PIGR: variants seen among roughly 807,000 people sequenced by gnomAD.
PIGR encodes hepatocellular carcinoma associated protein TB6.
A neutral mutation model predicts 69.5 loss-of-function variants in PIGR; 22 were observed. That is an observed-to-expected ratio of 0.32 (90% CI 0.23 to 0.45). The LOEUF (loss-of-function observed/expected upper bound fraction) is 0.45, where lower values mean the gene tolerates loss of function less well. Among genes scored for constraint, PIGR ranks in the 20% least tolerant of loss-of-function variants. The pLI, the probability that PIGR is intolerant of heterozygous loss-of-function variation, is 1.00. For synonymous variants in PIGR, 413 were observed against 407.6 expected, an observed-to-expected ratio of 1.01 and a Z score of -0.16; for missense variants, 885 against 974.0, an observed-to-expected ratio of 0.91 and a Z score of 1.22.
intron 1 of PIGR, among the ~76,000 whole-genome samples, chr1:206,942,171 C>T (rs746735495): frequency 2.0e-5 from 3 of 152,240 alleles, no homozygotes; most frequent in Non-Finnish European, 4.4e-5. Flanking sequence ...ATATGGGTGT[C>T]AGATGGCAAC....
chr1:206,932,737 TGGC>T (rs889387422), intron 7 of PIGR, among the ~76,000 whole-genome samples, 160 bp from the exon 8 acceptor site: 14 of 152,220 alleles, frequency 9.2e-5, no homozygotes, highest in African/African-American at 3.1e-4. Context: ...CTTCCCAGAC[TGGC>T]AAAGGCACGC....
chr1:206,931,376 A>G (rs1558011112), intron 10 of PIGR, 121 bp downstream of exon 10: 1 of 1,600,626 alleles, frequency 6.2e-7, no homozygotes, highest in Non-Finnish European at 8.5e-7. Context: ...AGGACTATTT[A>G]TATCATCCTC....
chr1:206,944,463 A>G (rs1301520737), intron 1 of PIGR, among the ~76,000 whole-genome samples: 7 of 152,132 alleles, frequency 4.6e-5, no homozygotes, highest in Admixed American at 2.0e-4. Context: ...ACAGGGCAAG[A>G]TTCCATCTCA....
rs180950797 is a variant in PIGR, at chr1:206,932,865, A to G, written c.1886+121T>C. ...GACCCTCCCACATATAAGCAGAGGT[A>G]GTAAGGGCTGCCCCAGTGCTCAAGA... is the stretch of plus-strand genomic sequence containing the variant. On this transcript the variant is annotated intron_variant, in intron 7 of 10. Coordinates refer to ENST00000356495, the MANE Select transcript of PIGR (RefSeq NM_002644.4). The G allele has an allele frequency of 3.3e-3, 3,295 of 984,228 alleles. 10 individuals carry two copies. Among genetic ancestry groups the G allele is most frequent in the Non-Finnish European group, 4.4e-3 (2,871 of 654,486 alleles). 61.0% of individuals were successfully genotyped at this position (984,228 alleles called of 1,614,324 possible).
chr1:206,933,111 T>G lies in PIGR; in HGVS notation c.1761A>C (p.Leu587=). 1.2e-6 allele frequency: 2 copies of G among 1,614,176 alleles called. No individual in the cohort carries two copies. The highest frequency in any genetic ancestry group is 1.7e-6 in the Non-Finnish European group (2 of 1,180,020). The change falls in exon 7 of 11, where the codon CTA becomes CTC. Residue 587 remains leucine (L), a synonymous_variant. Coordinates refer to ENST00000356495, the MANE Select transcript of PIGR (RefSeq NM_002644.4). ...KADAAPDEKV[L]DSGFREIENK... ...TCTCAATCTCCCGAAAACCAGAGTC[T>G]AGCACCTTCTCATCAGGAGCAGCGT...
At position 206,935,472 on chromosome 1, in the gene PIGR, C is replaced by G; in HGVS notation, c.1378+14G>C. 1 of 1,596,594 alleles carries G rather than the reference C, an allele frequency of 6.3e-7. No homozygotes were observed. The highest frequency in any genetic ancestry group is 8.6e-7 in the Non-Finnish European group (1 of 1,167,004). On this transcript the variant is annotated intron_variant, in intron 5 of 10. Transcript: ENST00000356495. The surrounding 1 kb of genome is among the most constrained non-coding windows in gnomAD (Gnocchi z 4.4). ...AGAGGTTTTAGAGCTTTCTCCCTCC[C>G]TGTCAACTCCTACCTTCGATAATCT... is the stretch of plus-strand genomic sequence containing the variant.
Position 206,931,560 on chromosome 1 carries a change from GT to G in PIGR, c.2141-6del, listed in dbSNP as rs768140594. The G allele has an allele frequency of 6.2e-7, 1 of 1,614,022 alleles. No individual in the cohort carries two copies. The highest frequency in any genetic ancestry group is 1.7e-5 in the Admixed American group (1 of 60,022). The stretch of plus-strand genomic sequence containing the variant: ...TCTCAGTGGTGGCAACAAACTCTGT[GT>G]GAAGAAAGAGGGTAGGTTAGCCCTT... On this transcript the variant is annotated splice_polypyrimidine_tract_variant and splice_region_variant and intron_variant, in intron 9 of 10. Coordinates refer to ENST00000356495, the MANE Select transcript of PIGR (RefSeq NM_002644.4).
intron 1 of PIGR, 144 bp from the exon 2 acceptor site, chr1:206,940,728 T>A (rs1679966174): frequency 3.6e-6 from 2 of 561,988 alleles, no homozygotes; most frequent in Non-Finnish European, 6.4e-6. Flanking sequence ...CTCCACTTTT[T>A]CCATAACAAT....
rs1679963634 is a variant in PIGR at position 206,940,621 on chromosome 1, T to C, written c.-53-37A>G. The C allele has an allele frequency of 2.3e-6, 3 of 1,318,180 alleles. No individual in the cohort carries two copies. In the East Asian group the frequency reaches 8.0e-5, roughly 35 times the overall value. 81.7% of individuals were successfully genotyped at this position (1,318,180 alleles called of 1,614,324 possible). A position where few individuals can be genotyped will look rare whatever the true frequency, so the allele number is the denominator to read the frequency against. On this transcript the variant is annotated intron_variant, in intron 1 of 10. Coordinates refer to ENST00000356495, the MANE Select transcript of PIGR (RefSeq NM_002644.4). ...TAATCACAAGGAGATGAAGCGCCCC[T>C]TGTCTTCCAAGACTAGTTGACCTTA... is the stretch of plus-strand genomic sequence containing the variant.
intron 1 of PIGR, among the ~76,000 whole-genome samples, chr1:206,941,029 T>G (rs1679973533): frequency 6.6e-6 from 1 of 152,208 alleles, no homozygotes; most frequent in East Asian, 1.9e-4. Context: ...ATGAGGAAAC[T>G]GAGACCCACA....
At position 206,930,216 on chromosome 1, in the gene PIGR, G is replaced by C; in HGVS notation, c.*102C>G. Reference sequence around the variant, plus strand: ...AGGACAGTAGGAAAAACCTAGGCAGGTGTTAGAGCAGGGAGTGGGGTCCCC... The same window carrying C: ...AGGACAGTAGGAAAAACCTAGGCAGCTGTTAGAGCAGGGAGTGGGGTCCCC... On this transcript the variant is annotated 3_prime_UTR_variant, in exon 11 of 11. Transcript: ENST00000356495. This position sits in a 1 kb window ranked among gnomAD's most constrained non-coding sequence, Gnocchi z 4.3. 1 of 950,466 alleles carries C rather than the reference G, an allele frequency of 1.1e-6. No individual in the cohort carries two copies. The highest frequency in any genetic ancestry group is 1.8e-5 in the South Asian group (1 of 56,198). The allele number at this position is 950,466 out of a possible 1,614,324, so 58.9% of individuals were successfully genotyped here.
intron 6 of PIGR, among the ~76,000 whole-genome samples, chr1:206,933,556 C>G (rs1048614839): frequency 1.2e-4 from 19 of 152,266 alleles, no homozygotes; most frequent in South Asian, 2.1e-4. Context: ...CTCAGTGAGT[C>G]CCATCCGCAG....
intron 10 of PIGR, chr1:206,931,150 TC>T: frequency 4.1e-6 from 4 of 985,294 alleles, no homozygotes; most frequent in African/African-American, 1.7e-5. Flanking sequence ...GGTCCTTGGG[TC>T]CCCCAACCCA....
In PIGR at chr1:206,940,549, C is replaced by G. The variant is rs755743203; in HGVS notation, c.-18G>C. 6.5e-7 allele frequency: 1 copy of G among 1,549,928 alleles called. No homozygotes were observed. Among genetic ancestry groups the G allele is most frequent in the Admixed American group, 2.0e-5 (1 of 50,646 alleles). On this transcript the variant is annotated 5_prime_UTR_variant, in exon 2 of 11. Coordinates refer to ENST00000356495, the MANE Select transcript of PIGR (RefSeq NM_002644.4). Reference sequence around the variant, plus strand: ...AGCAGCATTGCTGGTGGGTCCCGAGCGCCGCACCACTCAGGCCGACTTCTC... The same window carrying G: ...AGCAGCATTGCTGGTGGGTCCCGAGGGCCGCACCACTCAGGCCGACTTCTC...
intron 7 of PIGR, 82 bp from the exon 8 acceptor site, chr1:206,932,659 T>C: frequency 6.9e-7 from 1 of 1,450,252 alleles, no homozygotes; most frequent in East Asian, 2.4e-5. Context: ...GGCTTAGTCC[T>C]TTTTCCTCCC....
At chr1:206,945,004 A>T (rs1217946498) in intron 1 of PIGR, among the ~76,000 whole-genome samples, 2 of 152,304 alleles carry the variant, frequency 1.3e-5, no homozygotes, top group African/African-American at 4.8e-5. Flanking sequence ...GGTTTACTAA[A>T]TGGAAGCCTG....
chr1:206,931,252 C>T (rs1248661014), intron 10 of PIGR: 4 of 985,332 alleles, frequency 4.1e-6, no homozygotes, highest in African/African-American at 3.5e-5. Flanking sequence ...CTGCCTCTCT[C>T]CTGCAGTTTT....
chr1:206,933,109 T>G lies in PIGR; in HGVS notation c.1763A>C (p.Asp588Ala). ...ADAAPDEKVL[D>A]SGFREIENKA... ...GTTCTCAATCTCCCGAAAACCAGAG[T>G]CTAGCACCTTCTCATCAGGAGCAGC... The change falls in exon 7 of 11, where the codon GAC becomes GCC. Residue 588 changes from aspartate to alanine, a missense_variant. Coordinates refer to ENST00000356495, the MANE Select transcript of PIGR (RefSeq NM_002644.4). The G allele has an allele frequency of 6.2e-7, 1 of 1,614,092 alleles. No homozygotes were observed. The highest frequency in any genetic ancestry group is 8.5e-7 in the Non-Finnish European group (1 of 1,180,006).
Position 206,932,974 on chromosome 1 carries a change from A to G in PIGR, c.1886+12T>C, listed in dbSNP as rs1679787064. The G allele has an allele frequency of 5.0e-6, 8 of 1,613,474 alleles. No individual in the cohort carries two copies. In the East Asian group the frequency reaches 1.8e-4, roughly 36 times the overall value. On this transcript the variant is annotated intron_variant, in intron 7 of 10. Coordinates refer to ENST00000356495, the MANE Select transcript of PIGR (RefSeq NM_002644.4). ...GTGTTCTCCGAGTGGGGAGCCTTGA[A>G]TCCTTCCTTACCTGCCGGAATCCAC... is the stretch of plus-strand genomic sequence containing the variant.
Sources: gnomAD v4.1 joint callset for allele counts (sites outside exome capture counted in the v4.1 genomes callset) on GRCh38, gnomAD v4.1.1 for gene constraint, Gnocchi (gnomAD v3.1) non-coding constraint, MANE v1.5 for transcripts, NCBI Gene and HGNC (gene_info 2026-07-23, HGNC 2026-07-21) for gene names.